Variants in ABTB3 observed in about 807,000 individuals in gnomAD.
ABTB3 encodes ankyrin repeat- and BTB/POZ domain-containing protein 3.
At chr12:107,452,363 C>T in the ABTB3 span, among the ~76,000 whole-genome samples, 16 of 152,144 alleles carry the variant, frequency 1.1e-4, no homozygotes, top group Middle Eastern at 3.4e-3. Context: ...CCCACCACCA[C>T]GCCCGGCTAA....
chr12:107,461,545 C>A, the ABTB3 span, among the ~76,000 whole-genome samples: 2 of 152,204 alleles, frequency 1.3e-5, no homozygotes, highest in Non-Finnish European at 2.9e-5. Context: ...GGACTTCTGG[C>A]CTCCAAACTA....
the ABTB3 span, among the ~76,000 whole-genome samples, chr12:107,380,914 C>A: frequency 1.3e-5 from 2 of 152,000 alleles, no homozygotes; most frequent in African/African-American, 4.8e-5. Flanking sequence ...ATGTATATGT[C>A]TCTAATATTA....
the ABTB3 span, among the ~76,000 whole-genome samples, chr12:107,591,637 G>T: frequency 2.0e-5 from 3 of 152,176 alleles, no homozygotes; most frequent in South Asian, 4.1e-4. Flanking sequence ...ACCACATCAG[G>T]CAGGGACACT....
chr12:107,425,047 A>C, the ABTB3 span, among the ~76,000 whole-genome samples: 1 of 151,854 alleles, frequency 6.6e-6, no homozygotes, highest in African/African-American at 2.4e-5. Flanking sequence ...GTCATCTCAC[A>C]CCCTCGATTG....
chr12:107,495,975 A>G, the ABTB3 span, among the ~76,000 whole-genome samples: 1 of 152,164 alleles, frequency 6.6e-6, no homozygotes, highest in Non-Finnish European at 1.5e-5. Context: ...GGTGATGATG[A>G]TGTCTCAGTC....
chr12:107,543,715 G>A, the ABTB3 span, among the ~76,000 whole-genome samples: 27 of 152,036 alleles, frequency 1.8e-4, no homozygotes, highest in Non-Finnish European at 2.6e-4. Flanking sequence ...GATCTTAGCC[G>A]CCCTCTGTGC....
chr12:107,599,990 C>T, the ABTB3 span, among the ~76,000 whole-genome samples: 1 of 152,126 alleles, frequency 6.6e-6, no homozygotes, highest in African/African-American at 2.4e-5. Context: ...TGGGCATTCA[C>T]CCACAAACAC....
the ABTB3 span, among the ~76,000 whole-genome samples, chr12:107,623,291 C>T: frequency 3.3e-5 from 5 of 151,092 alleles, no homozygotes; most frequent in South Asian, 8.4e-4. Context: ...AATCTCTTGA[C>T]CTCGTGATCT....
chr12:107,634,537 C>G, the ABTB3 span, among the ~76,000 whole-genome samples: 1 of 152,296 alleles, frequency 6.6e-6, no homozygotes, highest in East Asian at 1.9e-4. Flanking sequence ...TTTCAACACC[C>G]TTTGTCCAAC....
the ABTB3 span, among the ~76,000 whole-genome samples, chr12:107,415,712 AAAAAAAACAAAAC>A: frequency 1.3e-5 from 2 of 148,270 alleles, no homozygotes; most frequent in South Asian, 4.3e-4. Context: ...TGTCTCAACC[AAAAAAAACAAAAC>A]AAAAAAACAA....
the ABTB3 span, among the ~76,000 whole-genome samples, chr12:107,588,642 T>C: frequency 6.6e-6 from 1 of 152,106 alleles, no homozygotes; most frequent in Non-Finnish European, 1.5e-5. Flanking sequence ...TGCCACAGCC[T>C]CCTGAGTAGC....
At chr12:107,329,059 CT>C in the ABTB3 span, among the ~76,000 whole-genome samples, 2 of 152,178 alleles carry the variant, frequency 1.3e-5, no homozygotes, top group South Asian at 4.1e-4. Flanking sequence ...GCTTTATCGT[CT>C]CCAGGGACAG....
chr12:107,459,192 T>C, the ABTB3 span, among the ~76,000 whole-genome samples: 1 of 152,186 alleles, frequency 6.6e-6, no homozygotes, highest in Non-Finnish European at 1.5e-5. Context: ...ATGAGGAAAC[T>C]GAGGCCCAGA....
chr12:107,525,605 C>T, the ABTB3 span, among the ~76,000 whole-genome samples: 6 of 152,226 alleles, frequency 3.9e-5, no homozygotes, highest in South Asian at 2.1e-4. Flanking sequence ...ACAATGAAAT[C>T]GTCTAAGGAC....
At chr12:107,634,364 C>T in the ABTB3 span, among the ~76,000 whole-genome samples, 1 of 152,152 alleles carries the variant, frequency 6.6e-6, no homozygotes, top group African/African-American at 2.4e-5. Context: ...CCAAAGGTAA[C>T]TACTCTATTT....
At chr12:107,349,886 A>G in the ABTB3 span, among the ~76,000 whole-genome samples, 1 of 152,246 alleles carries the variant, frequency 6.6e-6, no homozygotes, top group Admixed American at 6.5e-5. Flanking sequence ...AGAGGCACAG[A>G]CAGAGTGCTG....
the ABTB3 span, among the ~76,000 whole-genome samples, chr12:107,558,829 G>A: frequency 6.6e-6 from 1 of 152,228 alleles, no homozygotes; most frequent in Admixed American, 6.5e-5. Flanking sequence ...GATGAGAAGA[G>A]TGAGGAGATG....
At chr12:107,487,190 G>C in the ABTB3 span, among the ~76,000 whole-genome samples, 1 of 152,160 alleles carries the variant, frequency 6.6e-6, no homozygotes, top group South Asian at 2.1e-4. Context: ...TCTTGACCAT[G>C]AGCTTTTAGA....
chr12:107,395,569 G>T, the ABTB3 span, among the ~76,000 whole-genome samples: 2 of 152,164 alleles, frequency 1.3e-5, no homozygotes, highest in Non-Finnish European at 2.9e-5. Flanking sequence ...TGTTCCAACC[G>T]TGTCCAAGCA....
Sources: gnomAD v4.1 joint callset for allele counts (sites outside exome capture counted in the v4.1 genomes callset) on GRCh38, gnomAD v4.1.1 for gene constraint, MANE v1.5 for transcripts, NCBI Gene and HGNC (gene_info 2026-07-23, HGNC 2026-07-21) for gene names.